The following HIVEP1 variants were observed in gnomAD, a reference collection of about 807,000 sequenced individuals.
The protein encoded by HIVEP1 is HIVEP zinc finger 1, also known as zinc finger protein 40.
A neutral mutation model predicts 180.0 loss-of-function variants in HIVEP1; 36 were observed. That is an observed-to-expected ratio of 0.20 (90% CI 0.15 to 0.26). The LOEUF (loss-of-function observed/expected upper bound fraction) is 0.26, where lower values mean the gene tolerates loss of function less well. HIVEP1 is among the 10% of genes least tolerant of loss of function. The pLI is 1.00. For missense variants in HIVEP1, 3,143 were observed against 3,268.7 expected (o/e 0.96, Z 0.94); for synonymous variants, 1,239 against 1,239.0 (o/e 1.00, Z 0.00).
At chr6:12,126,139 C>T (rs1351093370) in intron 4 of HIVEP1, among the ~76,000 whole-genome samples, 1 of 152,096 alleles carries the variant, frequency 6.6e-6, no homozygotes, top group African/African-American at 2.4e-5. Context: ...CTATATAAGT[C>T]TTTACTTAGT....
Position 12,122,115 on chromosome 6 carries a change from C to T in HIVEP1, c.2320C>T (p.Leu774=). The T allele has an allele frequency of 6.2e-7, 1 of 1,614,218 alleles. No homozygotes were observed. The highest frequency in any genetic ancestry group is 1.7e-5 in the Admixed American group (1 of 60,024). ...TAGTGTGAAGCCGCGGAGAACCTCA[C>T]TGTCAAGACGAGGAAGCATTGATTC... is the stretch of plus-strand genomic sequence containing the variant. The part of the protein sequence containing the change: ...LDSVKPRRTS[L]SRRGSIDSPK... Residue 774 remains leucine (L), a synonymous_variant, in exon 4 of 9, where the codon CTG becomes TTG. Coordinates refer to ENST00000379388, the MANE Select transcript of HIVEP1 (RefSeq NM_002114.4).
chr6:12,128,420 G>A (rs1245546533), intron 4 of HIVEP1, among the ~76,000 whole-genome samples: 2 of 152,160 alleles, frequency 1.3e-5, no homozygotes, highest in Non-Finnish European at 2.9e-5. Context: ...TTATCTCTTA[G>A]TATTATTAAG....
chr6:12,106,020 A>G (rs1030722562), intron 3 of HIVEP1, among the ~76,000 whole-genome samples: 1 of 151,574 alleles, frequency 6.6e-6, no homozygotes, highest in Non-Finnish European at 1.5e-5. Context: ...ATATACATAT[A>G]TATACACACA....
chr6:12,082,074 CT>C (rs149567189), intron 2 of HIVEP1, among the ~76,000 whole-genome samples: 3 of 151,942 alleles, frequency 2.0e-5, no homozygotes, highest in East Asian at 1.9e-4. Flanking sequence ...TTTTTTACCT[CT>C]TTTTTTTGTG....
intron 1 of HIVEP1, among the ~76,000 whole-genome samples, chr6:12,014,871 G>C (rs1012744887): frequency 6.6e-6 from 1 of 152,210 alleles, no homozygotes; most frequent in African/African-American, 2.4e-5. Flanking sequence ...TGATCACGTG[G>C]GTTAGCCAGA....
chr6:12,013,885 A>G (rs773529321), intron 1 of HIVEP1, among the ~76,000 whole-genome samples: 12 of 152,218 alleles, frequency 7.9e-5, no homozygotes, highest in Admixed American at 3.9e-4. Context: ...CTGAGCTGAC[A>G]TACAGCCAGA....
rs370927003 is a variant in HIVEP1, at chr6:12,164,176, T to C, written c.7872T>C (p.His2624=). 4.3e-6 allele frequency: 7 copies of C among 1,614,078 alleles called. No homozygotes were observed. The African/African-American group carries it at 9.3e-5, about 22-fold the overall frequency. Residue 2624 remains histidine (H), a synonymous_variant, in exon 9 of 9, where the codon CAT becomes CAC. Transcript: ENST00000379388. The part of the protein sequence containing the change: ...VLNPPAPAGD[H]ARLDGLSKMD... ...ATCCACCTGCCCCTGCAGGTGACCA[T>C]GCAAGGCTTGATGGCCTGAGTAAAA...
intron 7 of HIVEP1, among the ~76,000 whole-genome samples, chr6:12,147,061 T>C (rs1759416463): frequency 6.6e-6 from 1 of 151,966 alleles, no homozygotes; most frequent in African/African-American, 2.4e-5. Context: ...GACACACAGG[T>C]TGGGGAAGAG....
At chr6:12,192,481 A>C in the HIVEP1 span, among the ~76,000 whole-genome samples, 1 of 152,148 alleles carries the variant, frequency 6.6e-6, no homozygotes, top group Non-Finnish European at 1.5e-5. Context: ...CTCATGTTGA[A>C]TTGTAATTCC....
In HIVEP1 at chr6:12,055,212, C is replaced by T. The variant is rs149108186; in HGVS notation, c.41-33972C>T. 5.2e-3 allele frequency among the ~76,000 whole-genome samples: 792 copies of T among 152,334 alleles called. 4 individuals carry two copies. The highest frequency in any genetic ancestry group is 0.018 in the African/African-American group (747 of 41,576). On this transcript the variant is annotated intron_variant, in intron 2 of 8. Coordinates refer to ENST00000379388, the MANE Select transcript of HIVEP1 (RefSeq NM_002114.4). ...TAAAATCATGATTTTCAGTGGCTCACGCCTGTAATCCCATCACTTTGGGAG... is the reference window on the plus strand; with the variant it reads ...TAAAATCATGATTTTCAGTGGCTCATGCCTGTAATCCCATCACTTTGGGAG...
At chr6:12,168,291 A>ATATATACATATATACGTATAT (rs1760802495), downstream of HIVEP1, among the ~76,000 whole-genome samples, 3 of 72,366 alleles carry the variant, frequency 4.1e-5, no homozygotes, top group Non-Finnish European at 8.7e-5. Flanking sequence ...TATTATATAC[A>ATATATACATATATACGTATAT]TATATACATA....
intron 6 of HIVEP1, among the ~76,000 whole-genome samples, chr6:12,132,908 T>C (rs1758503478): frequency 6.6e-6 from 1 of 152,170 alleles, no homozygotes; most frequent in African/African-American, 2.4e-5. Flanking sequence ...GTAAAACAGA[T>C]TCCACAGCAC....
chr6:12,070,946 G>C (rs1325171980), intron 2 of HIVEP1, among the ~76,000 whole-genome samples: 1 of 152,150 alleles, frequency 6.6e-6, no homozygotes, highest in East Asian at 1.9e-4. Flanking sequence ...ATTTTCTCTA[G>C]TGACCAAACA....
At chr6:12,046,067 T>C (rs1382135268) in intron 2 of HIVEP1, among the ~76,000 whole-genome samples, 1 of 152,218 alleles carries the variant, frequency 6.6e-6, no homozygotes, top group Non-Finnish European at 1.5e-5. Flanking sequence ...CACCCACAAT[T>C]CACTGGGAGA....
the HIVEP1 span, among the ~76,000 whole-genome samples, chr6:12,180,469 G>A: frequency 3.3e-5 from 5 of 152,014 alleles, no homozygotes; most frequent in Non-Finnish European, 7.4e-5. Context: ...AAATGTATCT[G>A]TTTATACTAA....
upstream of HIVEP1, chr6:12,008,895 C>T (rs1767135324): frequency 6.6e-6 from 1 of 152,344 alleles, no homozygotes; most frequent in Non-Finnish European, 1.5e-5. Flanking sequence ...TCTCTCGGTT[C>T]TTTTGTCTGG....
At chr6:12,128,646 C>T (rs1015616344) in intron 4 of HIVEP1, among the ~76,000 whole-genome samples, 24 of 152,050 alleles carry the variant, frequency 1.6e-4, no homozygotes, top group Non-Finnish European at 3.2e-4. Context: ...CTGCCTGCCT[C>T]ACAGGGACCT....
At chr6:12,098,790 G>A (rs1322936392) in intron 3 of HIVEP1, among the ~76,000 whole-genome samples, 1 of 152,140 alleles carries the variant, frequency 6.6e-6, no homozygotes, top group African/African-American at 2.4e-5. Flanking sequence ...AAATTAAAAA[G>A]CAAAGCATGG....
At chr6:12,172,403 T>G in the HIVEP1 span, among the ~76,000 whole-genome samples, 2 of 152,138 alleles carry the variant, frequency 1.3e-5, no homozygotes, top group African/African-American at 4.8e-5. Context: ...AAATAAGTTT[T>G]AAGTTTTATT....
Sources: gnomAD v4.1 joint callset for allele counts (sites outside exome capture counted in the v4.1 genomes callset) on GRCh38, gnomAD v4.1.1 for gene constraint, MANE v1.5 for transcripts, NCBI Gene and HGNC (gene_info 2026-07-23, HGNC 2026-07-21) for gene names.